Variants in RAI14 observed in about 807,000 individuals in gnomAD.
RAI14 encodes the protein ankycorbin.
In RAI14, 45 loss-of-function variants were observed where a neutral mutation model predicts 115.4. That is an observed-to-expected ratio of 0.39 (90% CI 0.31 to 0.50). The LOEUF (loss-of-function observed/expected upper bound fraction) is 0.50, where lower values mean the gene tolerates loss of function less well. Ranked by LOEUF, RAI14 falls within the 20% of genes least tolerant of loss-of-function variation. The pLI, the probability that RAI14 is intolerant of heterozygous loss-of-function variation, is 0.85. For missense variants in RAI14, 939 were observed against 1,131.2 expected, an observed-to-expected ratio of 0.83 and a Z score of 2.44; for synonymous variants, 371 against 415.4, an observed-to-expected ratio of 0.89 and a Z score of 1.30.
chr5:34,740,138 T>TA (rs1441197186), intron 2 of RAI14, among the ~76,000 whole-genome samples: 1 of 152,166 alleles, frequency 6.6e-6, no homozygotes, highest in Non-Finnish European at 1.5e-5. Context: ...TGACTTTCAG[T>TA]AAAAAATGTA....
intron 14 of RAI14, among the ~76,000 whole-genome samples, chr5:34,822,523 A>T (rs990758284): frequency 6.6e-6 from 1 of 151,664 alleles, no homozygotes; most frequent in African/African-American, 2.4e-5. Context: ...TTGTGTCATT[A>T]GTCCCACTCA....
intron 2 of RAI14, among the ~76,000 whole-genome samples, chr5:34,690,875 G>A (rs1738505062): frequency 1.3e-5 from 2 of 152,120 alleles, no homozygotes; most frequent in African/African-American, 4.8e-5. Flanking sequence ...TGCAAATATG[G>A]TTGTTGTCTT....
chr5:34,706,770 A>G (rs77290896), intron 2 of RAI14, among the ~76,000 whole-genome samples: 7,556 of 152,176 alleles, frequency 0.05, 603 homozygotes, highest in African/African-American at 0.17. Context: ...CACAGAAATA[A>G]TACTTGTGCC....
At chr5:34,822,927 A>G in intron 14 of RAI14, 29 bp from the exon 15 acceptor site, 2 of 1,548,482 alleles carry the variant, frequency 1.3e-6, no homozygotes, top group Non-Finnish European at 1.8e-6. Flanking sequence ...GACCTTTGAT[A>G]TCATTTAATT....
intron 2 of RAI14, among the ~76,000 whole-genome samples, chr5:34,695,666 G>A (rs573735866): frequency 6.6e-6 from 1 of 152,242 alleles, no homozygotes; most frequent in South Asian, 2.1e-4. Flanking sequence ...TAAATGAATA[G>A]AATAAAATTT....
At chr5:34,789,056 T>G (rs1454524544) in intron 3 of RAI14, among the ~76,000 whole-genome samples, 1 of 152,174 alleles carries the variant, frequency 6.6e-6, no homozygotes, top group African/African-American at 2.4e-5. Context: ...ATCTGTAGGC[T>G]CTTTTTATTT....
chr5:34,725,513 C>T (rs1002381213), intron 2 of RAI14, among the ~76,000 whole-genome samples: 4 of 151,760 alleles, frequency 2.6e-5, no homozygotes, highest in Non-Finnish European at 2.9e-5. Context: ...TCTTGGTAGG[C>T]AAATACCAGA....
At chr5:34,767,591 G>GCCCCCCCCCCCCCCCCCCCCCCCC (rs1561334151) in intron 3 of RAI14, among the ~76,000 whole-genome samples, 1 of 116,750 alleles carries the variant, frequency 8.6e-6, no homozygotes, top group African/African-American at 3.3e-5. Context: ...CACCGCCACC[G>GCCCCCCCCCCCCCCCCCCCCCCCC]CCCCCACCAC....
At chr5:34,720,567 C>T (rs973424813) in intron 2 of RAI14, among the ~76,000 whole-genome samples, 26 of 151,858 alleles carry the variant, frequency 1.7e-4, no homozygotes, top group Admixed American at 2.0e-4. Context: ...CCCGCCACCA[C>T]GCCCAGCTAA....
intron 10 of RAI14, 43 bp from the exon 11 acceptor site, chr5:34,813,531 C>A: frequency 1.4e-6 from 2 of 1,475,180 alleles, no homozygotes; most frequent in Non-Finnish European, 1.9e-6. Context: ...CTTTACTAAC[C>A]AAACTAACCC....
intron 15 of RAI14, among the ~76,000 whole-genome samples, chr5:34,824,946 C>CAAAAAA (rs1174399473): frequency 1.1e-4 from 7 of 66,530 alleles, no homozygotes; most frequent in African/African-American, 1.9e-4. Flanking sequence ...GACTTCATCT[C>CAAAAAA]AAAAAAAAAA....
intron 2 of RAI14, among the ~76,000 whole-genome samples, chr5:34,752,404 G>A (rs977081709): frequency 6.6e-6 from 1 of 152,072 alleles, no homozygotes; most frequent in Non-Finnish European, 1.5e-5. Context: ...CCTTCAGGGA[G>A]CTAAACACAG....
chr5:34,826,071 G>A (rs768904289), intron 15 of RAI14: 17 of 234,044 alleles, frequency 7.3e-5, no homozygotes, highest in African/African-American at 3.2e-4. Context: ...TTTTGTTACC[G>A]CCATCACCAA....
chr5:34,790,749 T>G (rs1290108910), intron 3 of RAI14, among the ~76,000 whole-genome samples: 1 of 142,252 alleles, frequency 7.0e-6, no homozygotes, highest in Non-Finnish European at 1.6e-5. Context: ...TATATGGGTG[T>G]GTGTGTGTGT....
chr5:34,776,700 G>A lies in RAI14; in HGVS notation c.167+19102G>A, dbSNP rs188008456. Among the ~76,000 whole-genome samples the A allele has an allele frequency of 1.5e-4, 23 of 151,870 alleles. No individual in the cohort carries two copies. In the East Asian group the frequency reaches 1.5e-3, roughly 10 times the overall value. On this transcript the variant is annotated intron_variant, in intron 3 of 17. Transcript: ENST00000265109. ...TGTGTATCTGTAGTTGCAACTATTCGGGAGACTGAGATGGGAGAATCGCTT... is the reference window on the plus strand; with the variant it reads ...TGTGTATCTGTAGTTGCAACTATTCAGGAGACTGAGATGGGAGAATCGCTT...
intron 15 of RAI14, among the ~76,000 whole-genome samples, chr5:34,825,137 T>C (rs1266632350): frequency 6.6e-6 from 1 of 151,956 alleles, no homozygotes; most frequent in Non-Finnish European, 1.5e-5. Flanking sequence ...TAGCCAGGCA[T>C]GGTGGTATGA....
chr5:34,755,055 T>C (rs753172237), intron 2 of RAI14, among the ~76,000 whole-genome samples: 4 of 151,898 alleles, frequency 2.6e-5, no homozygotes, highest in South Asian at 2.1e-4. Context: ...TCTTTTAGGA[T>C]TCTATAGGTA....
chr5:34,719,258 G>A (rs1034733108), intron 2 of RAI14, among the ~76,000 whole-genome samples: 3 of 152,176 alleles, frequency 2.0e-5, no homozygotes, highest in African/African-American at 7.2e-5. Context: ...TGCCCCATTG[G>A]CCCTGGCTTT....
rs112077697 is a variant in RAI14, at chr5:34,829,746, A to C, written c.2814A>C (p.Gln938His). 236 of 1,611,546 alleles carry C rather than the reference A, an allele frequency of 1.5e-4. 1 individual carries two copies. In the African/African-American group the frequency reaches 1.6e-3, roughly 11 times the overall value. ...LQNQLAECKK[Q>H]HQEVISVYRM... ...TCCCTTTCTAGGAATGCAAGAAACA[A>C]CACCAGGAGGTCATATCAGTTTACA... Residue 938 changes from glutamine (Q) to histidine (H), a missense_variant, in exon 17 of 18, where the codon CAA becomes CAC. Coordinates refer to ENST00000265109, the MANE Select transcript of RAI14 (RefSeq NM_015577.3).
Sources: gnomAD v4.1 joint callset for allele counts (sites outside exome capture counted in the v4.1 genomes callset) on GRCh38, gnomAD v4.1.1 for gene constraint, MANE v1.5 for transcripts, NCBI Gene and HGNC (gene_info 2026-07-23, HGNC 2026-07-21) for gene names.